Variants in NCOA3 observed in about 807,000 individuals in gnomAD.
The protein encoded by NCOA3 is CBP-interacting protein.
NCOA3 carries 51 observed loss-of-function variants against 158.8 expected under a neutral mutation model. That is an observed-to-expected ratio of 0.32 (90% confidence interval 0.26 to 0.41). The LOEUF (loss-of-function observed/expected upper bound fraction) is 0.41, where lower values mean the gene tolerates loss of function less well. Ranked by LOEUF, NCOA3 falls within the 10% of genes least tolerant of loss-of-function variation. NCOA3 has a pLI of 1.00. For missense variants in NCOA3, 1,510 were observed against 1,746.6 expected (o/e 0.86, Z 2.41); for synonymous variants, 537 against 592.4 (o/e 0.91, Z 1.36).
intron 2 of NCOA3, among the ~76,000 whole-genome samples, chr20:47,593,228 C>G (rs534226344): frequency 2.6e-5 from 4 of 151,610 alleles, no homozygotes; most frequent in South Asian, 2.1e-4. Context: ...CCACTGCACC[C>G]GGCCACCACA....
intron 2 of NCOA3, among the ~76,000 whole-genome samples, chr20:47,594,393 T>C (rs1835254100): frequency 6.6e-6 from 1 of 152,154 alleles, no homozygotes; most frequent in Non-Finnish European, 1.5e-5. Context: ...CCAGGTGCAG[T>C]GGCTCATGCC....
intron 2 of NCOA3, among the ~76,000 whole-genome samples, chr20:47,598,445 C>T (rs1364821943): frequency 6.6e-6 from 1 of 151,970 alleles, no homozygotes; most frequent in Admixed American, 6.6e-5. Flanking sequence ...ACGCGGTTCT[C>T]CTGCCTCAGC....
chr20:47,604,165 G>A (rs1484979451), intron 2 of NCOA3, among the ~76,000 whole-genome samples: 2 of 152,064 alleles, frequency 1.3e-5, no homozygotes, highest in African/African-American at 2.4e-5. Flanking sequence ...GCCATTTTTC[G>A]AGAGCCTACC....
intron 17 of NCOA3, among the ~76,000 whole-genome samples, chr20:47,643,516 A>G (rs1188204677): frequency 6.6e-6 from 1 of 152,194 alleles, no homozygotes; most frequent in African/African-American, 2.4e-5. Context: ...CACACTAAAT[A>G]ACCCATCAAT....
intron 1 of NCOA3, among the ~76,000 whole-genome samples, chr20:47,532,817 C>G (rs913290678): frequency 1.3e-5 from 2 of 151,890 alleles, no homozygotes; most frequent in African/African-American, 4.8e-5. Context: ...CCAAAAAGAT[C>G]ATTTGGCTGG....
At chr20:47,547,427 A>ATTATTT (rs1196191503) in intron 1 of NCOA3, among the ~76,000 whole-genome samples, 3 of 150,440 alleles carry the variant, frequency 2.0e-5, no homozygotes, top group African/African-American at 7.3e-5. Context: ...TATTATTATT[A>ATTATTT]TTTTAGACGG....
intron 2 of NCOA3, among the ~76,000 whole-genome samples, chr20:47,583,517 C>A (rs1196566287): frequency 2.2e-4 from 33 of 152,148 alleles, no homozygotes; most frequent in Admixed American, 2.2e-3. Context: ...CTTTCGACTC[C>A]CCCCAAACTT....
chr20:47,606,678 AGC>A (rs2085953236), intron 2 of NCOA3, among the ~76,000 whole-genome samples: 1 of 152,200 alleles, frequency 6.6e-6, no homozygotes, highest in Non-Finnish European at 1.5e-5. Context: ...CTCCGGGAAA[AGC>A]ACTTGCGCAG....
intron 1 of NCOA3, among the ~76,000 whole-genome samples, chr20:47,569,550 G>A (rs557782074): frequency 3.5e-4 from 53 of 151,916 alleles, no homozygotes; most frequent in Non-Finnish European, 6.9e-4. Context: ...CAGACATGGT[G>A]GAGGCGCCTG....
intron 2 of NCOA3, among the ~76,000 whole-genome samples, chr20:47,618,835 G>C (rs1009079328): frequency 1.3e-5 from 2 of 152,158 alleles, no homozygotes; most frequent in South Asian, 2.1e-4. Flanking sequence ...ATAAACATTG[G>C]CTTAACACAA....
Position 47,639,085 on chromosome 20 carries a change from G to T in NCOA3, c.2590G>T (p.Val864Phe), listed in dbSNP as rs528037326. The change falls in exon 14 of 23, where the codon GTT becomes TTT. Residue 864 changes from valine to phenylalanine, a missense_variant. By Grantham distance (50) the Val-to-Phe change is conservative. Around this residue, in one of 4 missense-constraint regions of NCOA3, gnomAD observed 1,017 missense variants for 1,098.3 expected, o/e 0.93. Transcript: ENST00000371998. ...AGTGTCTCTGGATAGCCCTGTTTCT[G>T]TTGGCTCAAGTCCTCCAGTAAAAAA... ...RAVSLDSPVS[V>F]GSSPPVKNIS... The T allele has an allele frequency of 4.3e-6, 7 of 1,614,060 alleles. No individual in the cohort carries two copies. In the Admixed American group the frequency reaches 1.2e-4, roughly 27 times the overall value.
chr20:47,628,203 A>G (rs538574588), intron 8 of NCOA3, among the ~76,000 whole-genome samples, 180 bp downstream of exon 8: 20 of 152,260 alleles, frequency 1.3e-4, no homozygotes, highest in African/African-American at 4.6e-4. Context: ...GAATTTCACT[A>G]AAATTCTTGG....
intron 2 of NCOA3, among the ~76,000 whole-genome samples, chr20:47,601,310 G>A (rs1032367234): frequency 6.6e-6 from 1 of 152,194 alleles, no homozygotes; most frequent in Non-Finnish European, 1.5e-5. Context: ...CGACTTACTT[G>A]CCTCTTAAAG....
chr20:47,511,560 T>TATATATATC (rs1569310982), intron 1 of NCOA3, among the ~76,000 whole-genome samples: 1 of 5,518 alleles, frequency 1.8e-4, no homozygotes, highest in African/African-American at 2.4e-4. Flanking sequence ...TATATATTTC[T>TATATATATC]TTTTTTTTTT....
rs983276693 is a variant in NCOA3, at chr20:47,653,090, T to C, written c.4263+18T>C. 12 of 1,612,938 alleles carry C rather than the reference T, an allele frequency of 7.4e-6. No individual in the cohort carries two copies. The African/African-American group carries it at 1.2e-4, about 16-fold the overall frequency. On this transcript the variant is annotated intron_variant, in intron 22 of 22. Transcript: ENST00000371998. ...CTGATCAGGTATGGGATCGATTCCT[T>C]ACCTTTTTCAAAAAGTTTTTCTTGT...
At chr20:47,512,299 C>T (rs1223000414) in intron 1 of NCOA3, among the ~76,000 whole-genome samples, 11 of 151,886 alleles carry the variant, frequency 7.2e-5, no homozygotes, top group East Asian at 1.9e-4. Context: ...GACTGGACCC[C>T]GTAGCTCACA....
Position 47,642,279 on chromosome 20 carries a change from C to T in NCOA3, c.3147C>T (p.Asp1049=), listed in dbSNP as rs138245998. ...GPPSNLEGQS[D]ERALLDQLHT... is the part of the protein sequence containing the mutation. ...CTTCCAACCTGGAAGGCCAGAGTGA[C>T]GAAAGAGCATTATTGGACCAGCTGC... The change falls in exon 17 of 23, where the codon GAC becomes GAT. Residue 1049 remains aspartate (D), a synonymous_variant. Transcript: ENST00000371998. The T allele has an allele frequency of 1.1e-5, 18 of 1,612,742 alleles. No homozygotes were observed. Among genetic ancestry groups the T allele is most frequent in the Non-Finnish European group, 1.4e-5 (16 of 1,179,644 alleles).
intron 2 of NCOA3, among the ~76,000 whole-genome samples, chr20:47,605,633 A>G (rs16992652): frequency 0.012 from 1,759 of 151,954 alleles, 34 homozygotes; most frequent in African/African-American, 0.039. Flanking sequence ...TATCTTGTGC[A>G]TGATTTCATT....
chr20:47,639,308 G>A (rs992034173), intron 14 of NCOA3, 106 bp downstream of exon 14: 19 of 1,019,200 alleles, frequency 1.9e-5, no homozygotes, highest in Non-Finnish European at 2.6e-5. Context: ...TTTGAATAAC[G>A]TTAGTATGTT....
Sources: allele counts gnomAD v4.1 joint callset (sites outside exome capture counted in the v4.1 genomes callset), GRCh38; gene constraint gnomAD v4.1.1; regional missense constraint gnomAD v4.1.1; transcripts MANE v1.5; gene names NCBI Gene and HGNC (gene_info 2026-07-23, HGNC 2026-07-21).